The following ZNF232 variants were observed in gnomAD, a reference collection of about 807,000 sequenced individuals.
ZNF232 encodes the protein zinc finger and SCAN domain-containing protein 11.
ZNF232 carries 25 observed loss-of-function variants against 25.2 expected under a neutral mutation model. The ratio of observed to expected loss-of-function variants is 0.99; its 90% CI spans 0.72 to 1.39. The LOEUF (loss-of-function observed/expected upper bound fraction) is 1.39. ZNF232 is among the 40% of genes most tolerant of loss of function. The probability of loss-of-function intolerance (pLI) is 0.00; values close to 1 mark genes in which losing one functional copy is unlikely to be tolerated. For missense variants in ZNF232, 519 were observed against 520.9 expected, an observed-to-expected ratio of 1.00 and a Z score of 0.04; for synonymous variants, 193 against 182.9, an observed-to-expected ratio of 1.06 and a Z score of -0.45.
chr17:5,117,361 C>A (rs1385661803), intron 1 of ZNF232, among the ~76,000 whole-genome samples: 3 of 151,926 alleles, frequency 2.0e-5, no homozygotes, highest in Admixed American at 6.6e-5. Flanking sequence ...ACAAAAAATA[C>A]AAAAATTAGC....
chr17:5,113,121 A>G (rs934984136), upstream of ZNF232, among the ~76,000 whole-genome samples: 4 of 152,200 alleles, frequency 2.6e-5, no homozygotes, highest in Non-Finnish European at 5.9e-5. Flanking sequence ...TCAGATTCTC[A>G]GATTATTAAA....
At chr17:5,111,423 C>A in intron 1 of ZNF232, 1 of 332,732 alleles carries the variant, frequency 3.0e-6, no homozygotes, top group South Asian at 5.8e-5. Context: ...CGAGGAAAAA[C>A]GCGGAGCTCG....
chr17:5,110,118 C>T (rs2072365175), intron 1 of ZNF232, among the ~76,000 whole-genome samples: 1 of 152,148 alleles, frequency 6.6e-6, no homozygotes, highest in Non-Finnish European at 1.5e-5. Flanking sequence ...TCTTGAACTC[C>T]TGACCTCAGG....
At chr17:5,110,905 G>A (rs779844646) in intron 1 of ZNF232, among the ~76,000 whole-genome samples, 1 of 152,214 alleles carries the variant, frequency 6.6e-6, no homozygotes, top group Non-Finnish European at 1.5e-5. Context: ...TGGCAGGAGG[G>A]GAAGGAGGAG....
exon 4 of ZNF232, chr17:5,105,992 A>G (rs2099466838): frequency 6.2e-7 from 1 of 1,614,080 alleles, no homozygotes. Flanking sequence ...CACACTCATT[A>G]CACTCATAGG....
At chr17:5,108,446 A>C (rs1017118862) in intron 3 of ZNF232, among the ~76,000 whole-genome samples, 18 of 152,150 alleles carry the variant, frequency 1.2e-4, no homozygotes, top group Non-Finnish European at 1.9e-4. Flanking sequence ...GAGGTGGTAA[A>C]GGTGATGACA....
intron 1 of ZNF232, 147 bp downstream of exon 1, chr17:5,111,653 G>A (rs548560965): frequency 1.3e-4 from 153 of 1,195,642 alleles, no homozygotes; most frequent in African/African-American, 9.8e-4. Context: ...AGCGCAGCGC[G>A]GGCACCACGG....
chr17:5,106,341 G>A (rs1252386379), exon 4 of ZNF232: 10 of 1,614,036 alleles, frequency 6.2e-6, no homozygotes, highest in Admixed American at 5.0e-5. Flanking sequence ...CAGTCTCTCC[G>A]CTTTGGGATT....
chr17:5,109,290 C>G, intron 2 of ZNF232, 104 bp downstream of exon 2: 1 of 1,414,258 alleles, frequency 7.1e-7, no homozygotes. Flanking sequence ...CTCTACCTGG[C>G]CCAAGAGAGG....
intron 1 of ZNF232, among the ~76,000 whole-genome samples, chr17:5,122,559 G>A (rs761582984): frequency 1.4e-4 from 21 of 152,216 alleles, no homozygotes; most frequent in Non-Finnish European, 2.2e-4. Context: ...AGGCCGAACC[G>A]GCCCCAGCCC....
chr17:5,119,109 T>C (rs1478463145), intron 1 of ZNF232, among the ~76,000 whole-genome samples: 2 of 152,168 alleles, frequency 1.3e-5, no homozygotes, highest in Non-Finnish European at 2.9e-5. Flanking sequence ...ATCAAGTATT[T>C]ATATGAAGAA....
chr17:5,120,606 C>A, intron 1 of ZNF232: 1 of 368,548 alleles, frequency 2.7e-6, no homozygotes, highest in South Asian at 2.1e-5. Flanking sequence ...TGGGTGAGCT[C>A]CTGCTGTCCT....
At chr17:5,107,840 C>A (rs773105745) in intron 3 of ZNF232, among the ~76,000 whole-genome samples, 12 of 151,958 alleles carry the variant, frequency 7.9e-5, no homozygotes, top group Non-Finnish European at 1.8e-4. Context: ...CAGCCAAGAT[C>A]ATTTGATTTT....
Position 5,120,156 on chromosome 17 carries a change from T to C in ZNF232, c.-530+2821A>G, listed in dbSNP as rs1456346773. ...ACCCGGAAGGTGTTTCCCCCTGGCT[T>C]TGAGGCTGGTTATACATTGCTTTCC... On this transcript the variant is annotated intron_variant, in intron 1 of 4. Coordinates refer to the ZNF232 transcript ENST00000250076. 2.6e-5 allele frequency among the ~76,000 whole-genome samples: 4 copies of C among 152,156 alleles called. No individual in the cohort carries two copies. The East Asian group carries it at 7.7e-4, about 29-fold the overall frequency.
At chr17:5,114,884 T>C (rs921420873), upstream of ZNF232, 3 of 152,210 alleles carry the variant, frequency 2.0e-5, no homozygotes, top group African/African-American at 7.2e-5. Flanking sequence ...CCTCTCTCTC[T>C]GCCATGTGAG....
chr17:5,107,111 G>C (rs1193748922), intron 3 of ZNF232, among the ~76,000 whole-genome samples: 1 of 150,672 alleles, frequency 6.6e-6, no homozygotes, highest in East Asian at 2.0e-4. Flanking sequence ...GTGTGTTGCC[G>C]GGCGTGGTGG....
exon 4 of ZNF232, chr17:5,106,066 C>T (rs1307687674): frequency 1.2e-6 from 2 of 1,614,182 alleles, no homozygotes; most frequent in Non-Finnish European, 1.7e-6. Flanking sequence ...AAGGCCTTCC[C>T]ACATTCATTA....
chr17:5,107,597 G>C (rs2072293434), intron 3 of ZNF232, among the ~76,000 whole-genome samples: 1 of 147,460 alleles, frequency 6.8e-6, no homozygotes, highest in African/African-American at 2.5e-5. Flanking sequence ...GGAGTGTAGT[G>C]GCATGATCTT....
chr17:5,108,619 T>C (rs1411036046), intron 3 of ZNF232, among the ~76,000 whole-genome samples: 1 of 152,122 alleles, frequency 6.6e-6, no homozygotes, highest in Non-Finnish European at 1.5e-5. Context: ...CATAAATGAA[T>C]GAGCTATTTC....
Sources: allele counts gnomAD v4.1 joint callset (sites outside exome capture counted in the v4.1 genomes callset), GRCh38; gene constraint gnomAD v4.1.1; transcripts MANE v1.5; gene names NCBI Gene and HGNC (gene_info 2026-07-23, HGNC 2026-07-21).